Variants in STPG4 observed in about 807,000 individuals in gnomAD.
STPG4 encodes protein STPG4.
In STPG4, 41 loss-of-function variants were observed where a neutral mutation model predicts 31.5. The observed-to-expected ratio is 1.30, with a 90% CI of 1.01 to 1.69. STPG4 has a LOEUF of 1.69. Ranked by LOEUF, STPG4 falls within the 40% of genes most tolerant of loss-of-function variation. The probability of loss-of-function intolerance (pLI) is 0.00; values close to 1 mark genes in which losing one functional copy is unlikely to be tolerated. For missense variants in STPG4, 375 were observed against 293.4 expected, an observed-to-expected ratio of 1.28 and a Z score of -2.03; for synonymous variants, 141 against 103.0, an observed-to-expected ratio of 1.37 and a Z score of -2.24.
At chr2:47,117,522 T>A (rs1558678717) in intron 5 of STPG4, among the ~76,000 whole-genome samples, 1 of 152,240 alleles carries the variant, frequency 6.6e-6, no homozygotes, top group Non-Finnish European at 1.5e-5. Flanking sequence ...CAGATAATGT[T>A]AAATTGAGTC....
chr2:47,109,734 G>C (rs1242922909), intron 5 of STPG4, among the ~76,000 whole-genome samples: 1 of 152,084 alleles, frequency 6.6e-6, no homozygotes, highest in Non-Finnish European at 1.5e-5. Context: ...GGTTTACTCA[G>C]CCAGACTGTG....
intron 5 of STPG4, among the ~76,000 whole-genome samples, chr2:47,096,671 G>A (rs1053044640): frequency 4.6e-5 from 7 of 152,130 alleles, no homozygotes; most frequent in African/African-American, 1.7e-4. Flanking sequence ...TTAAAACCAA[G>A]CTTAAAAAGT....
At chr2:47,140,857 G>A (rs1686687045) in intron 3 of STPG4, among the ~76,000 whole-genome samples, 1 of 151,572 alleles carries the variant, frequency 6.6e-6, no homozygotes, top group Middle Eastern at 3.2e-3. Context: ...TAAGGTGAAT[G>A]CAGCCAGAAG....
intron 5 of STPG4, among the ~76,000 whole-genome samples, chr2:47,126,063 T>G (rs900808100): frequency 2.8e-4 from 43 of 152,344 alleles, no homozygotes; most frequent in African/African-American, 1.0e-3. Context: ...GGTTATCTAT[T>G]CTGTTCCATT....
In STPG4 at chr2:47,100,927, G is replaced by A. The variant is rs374611786; in HGVS notation, c.520-10553C>T. 3.3e-5 allele frequency among the ~76,000 whole-genome samples: 5 copies of A among 151,948 alleles called. No individual in the cohort carries two copies. The East Asian group carries it at 5.8e-4, about 18-fold the overall frequency. On this transcript the variant is annotated intron_variant, in intron 5 of 6. Transcript: ENST00000445927. ...GCTGTAACACTCACCACGAGGGTCCGCGGCTTCATTCTTGAACTCAGTGAG... is the reference window on the plus strand; with the variant it reads ...GCTGTAACACTCACCACGAGGGTCCACGGCTTCATTCTTGAACTCAGTGAG...
At chr2:47,137,874 G>A (rs766103718) in intron 3 of STPG4, among the ~76,000 whole-genome samples, 1 of 151,942 alleles carries the variant, frequency 6.6e-6, no homozygotes, top group Non-Finnish European at 1.5e-5. Context: ...TTTTTTCTTA[G>A]TTAGCCTAGA....
At chr2:47,155,040 G>A in intron 1 of STPG4, 131 bp downstream of exon 1, 1 of 770,098 alleles carries the variant, frequency 1.3e-6, no homozygotes, top group South Asian at 1.6e-5. Context: ...CGTGCGTGAG[G>A]GCAGGGAGAG....
At position 47,094,237 on chromosome 2, in the gene STPG4, T is replaced by C. The variant is rs560018369; in HGVS notation, c.520-3863A>G. On this transcript the variant is annotated intron_variant, in intron 5 of 6. Transcript: ENST00000445927. ...TTAAACCTTGCTTTTGTCAGGGTCA[T>C]GCTTTGGCAACTGTGGGTTTACCAA... Among the ~76,000 whole-genome samples the C allele has an allele frequency of 7.9e-5, 12 of 152,346 alleles. No individual in the cohort carries two copies. In the East Asian group the frequency reaches 1.9e-3, roughly 25 times the overall value.
intron 5 of STPG4, among the ~76,000 whole-genome samples, chr2:47,117,542 T>G (rs1237547986): frequency 1.3e-5 from 2 of 152,224 alleles, no homozygotes; most frequent in African/African-American, 2.4e-5. Flanking sequence ...CATCAGTGTC[T>G]AATTTGGGGC....
chr2:47,155,096 G>A, intron 1 of STPG4, 75 bp downstream of exon 1: 2 of 1,415,444 alleles, frequency 1.4e-6, no homozygotes, highest in South Asian at 2.3e-5. Context: ...CCTGGGATTA[G>A]AGAGCGGTGG....
At chr2:47,099,948 T>C (rs1266644249) in intron 5 of STPG4, among the ~76,000 whole-genome samples, 2 of 152,156 alleles carry the variant, frequency 1.3e-5, no homozygotes, top group Non-Finnish European at 2.9e-5. Flanking sequence ...AGTTTCTCGC[T>C]GGGTCTTAGC....
At chr2:47,113,757 G>A (rs936971226) in intron 5 of STPG4, among the ~76,000 whole-genome samples, 4 of 151,828 alleles carry the variant, frequency 2.6e-5, no homozygotes, top group Non-Finnish European at 5.9e-5. Flanking sequence ...AATTTAGGCC[G>A]GGCGCAGTGG....
At chr2:47,122,688 T>A (rs1384039503) in intron 5 of STPG4, among the ~76,000 whole-genome samples, 1 of 18,120 alleles carries the variant, frequency 5.5e-5, no homozygotes, top group Non-Finnish European at 2.4e-4. Context: ...TTTTCTCAAT[T>A]TTTTTTTTTG....
chr2:47,116,337 A>C (rs1007012068), intron 5 of STPG4, among the ~76,000 whole-genome samples: 6 of 152,220 alleles, frequency 3.9e-5, no homozygotes, highest in African/African-American at 1.4e-4. Context: ...CAGGAGCTCC[A>C]TTTATTTAAC....
chr2:47,101,929 G>T (rs2103740892), intron 5 of STPG4, among the ~76,000 whole-genome samples: 1 of 151,720 alleles, frequency 6.6e-6, no homozygotes, highest in South Asian at 2.1e-4. Context: ...ACTCTAACAG[G>T]TTTTCGAGAA....
chr2:47,091,998 T>A (rs1486020118), intron 5 of STPG4, among the ~76,000 whole-genome samples: 1 of 149,308 alleles, frequency 6.7e-6, no homozygotes, highest in East Asian at 2.0e-4. Flanking sequence ...CTCCCAAATG[T>A]CATTAAGTCA....
chr2:47,098,875 C>T (rs1685731097), intron 5 of STPG4, among the ~76,000 whole-genome samples: 1 of 152,090 alleles, frequency 6.6e-6, no homozygotes, highest in Non-Finnish European at 1.5e-5. Context: ...AGGGCCTATG[C>T]AACTCAGGAA....
intron 5 of STPG4, among the ~76,000 whole-genome samples, chr2:47,128,157 G>C (rs184415925): frequency 6.6e-6 from 1 of 152,196 alleles, no homozygotes; most frequent in Admixed American, 6.5e-5. Context: ...GGATTACCAG[G>C]CAGAGACTCT....
intron 5 of STPG4, among the ~76,000 whole-genome samples, chr2:47,112,154 T>C (rs1003727353): frequency 1.3e-5 from 2 of 152,068 alleles, no homozygotes; most frequent in Admixed American, 6.6e-5. Flanking sequence ...ACCTTTGAGA[T>C]TTTGTTGTTG....
Sources: allele counts gnomAD v4.1 joint callset (sites outside exome capture counted in the v4.1 genomes callset), GRCh38; gene constraint gnomAD v4.1.1; transcripts MANE v1.5; gene names NCBI Gene and HGNC (gene_info 2026-07-23, HGNC 2026-07-21).